The following VAV3 variants were observed in gnomAD, a reference collection of about 807,000 sequenced individuals.
The protein encoded by VAV3 is vav guanine nucleotide exchange factor 3, also known as guanine nucleotide exchange factor VAV3.
Under a neutral mutation model 131.2 loss-of-function variants are expected in VAV3, and 94 were observed. The observed-to-expected ratio is 0.72, with a 90% CI of 0.61 to 0.85. The LOEUF (loss-of-function observed/expected upper bound fraction) is 0.85. Ranked by LOEUF, VAV3 falls within the 40% of genes least tolerant of loss-of-function variation. The probability of loss-of-function intolerance (pLI) is 0.00; values close to 1 mark genes in which losing one functional copy is unlikely to be tolerated. For missense variants in VAV3, 939 were observed against 1,002.7 expected, an observed-to-expected ratio of 0.94 and a Z score of 0.86; for synonymous variants, 349 against 342.0, an observed-to-expected ratio of 1.02 and a Z score of -0.22.
At chr1:107,953,595 A>G (rs1674658532) in intron 1 of VAV3, among the ~76,000 whole-genome samples, 1 of 152,180 alleles carries the variant, frequency 6.6e-6, no homozygotes, top group South Asian at 2.1e-4. Flanking sequence ...TGCTATTGCT[A>G]TAAGTACAGA....
intron 1 of VAV3, among the ~76,000 whole-genome samples, chr1:107,948,563 G>T (rs1461870786): frequency 6.6e-6 from 1 of 152,158 alleles, no homozygotes; most frequent in African/African-American, 2.4e-5. Context: ...AATAAAGCTG[G>T]CCAGGCGCAG....
chr1:107,828,977 T>C (rs565940042), intron 2 of VAV3, among the ~76,000 whole-genome samples: 1 of 152,268 alleles, frequency 6.6e-6, no homozygotes, highest in Non-Finnish European at 1.5e-5. Flanking sequence ...TCAGCCCTAT[T>C]TTATGCAGGT....
At chr1:107,867,549 A>G (rs1311397350) in intron 2 of VAV3, among the ~76,000 whole-genome samples, 1 of 152,164 alleles carries the variant, frequency 6.6e-6, no homozygotes, top group Non-Finnish European at 1.5e-5. Context: ...GAAGGCTAGA[A>G]GCTGTTCCCT....
Position 107,704,658 on chromosome 1 carries a change from G to A in VAV3, c.1605-8C>T. 5 of 1,606,236 alleles carry A rather than the reference G, an allele frequency of 3.1e-6. No homozygotes were observed. Among genetic ancestry groups the A allele is most frequent in the South Asian group, 2.2e-5 (2 of 90,536 alleles). On this transcript the variant is annotated splice_region_variant and splice_polypyrimidine_tract_variant and intron_variant, in intron 16 of 26. Coordinates refer to ENST00000370056, the MANE Select transcript of VAV3 (RefSeq NM_006113.5). ...CCTTGATAAAATGTTCCCCTGAAAGGTGAAATAAGAAAGTGGTATATTAAA... is the reference window on the plus strand; with the variant it reads ...CCTTGATAAAATGTTCCCCTGAAAGATGAAATAAGAAAGTGGTATATTAAA...
chr1:107,850,333 A>G (rs2100951963), intron 2 of VAV3, among the ~76,000 whole-genome samples: 1 of 152,332 alleles, frequency 6.6e-6, no homozygotes, highest in Admixed American at 6.5e-5. Flanking sequence ...AATGCCCATC[A>G]ATGATAGACT....
Position 107,674,832 on chromosome 1 carries a change from T to A in VAV3, c.1777+8656A>T, listed in dbSNP as rs1040587847. 2.0e-5 allele frequency among the ~76,000 whole-genome samples: 3 copies of A among 152,210 alleles called. No individual in the cohort carries two copies. The East Asian group carries it at 5.8e-4, about 29-fold the overall frequency. ...TGTGATTATATTATACATTTTAATGTCCACCTTGCAAGGAAACCCTATCAC... is the reference window on the plus strand; with the variant it reads ...TGTGATTATATTATACATTTTAATGACCACCTTGCAAGGAAACCCTATCAC... On this transcript the variant is annotated intron_variant, in intron 19 of 26. Coordinates refer to ENST00000370056, the MANE Select transcript of VAV3 (RefSeq NM_006113.5).
chr1:107,643,659 G>T (rs1655519469), intron 19 of VAV3, among the ~76,000 whole-genome samples: 1 of 152,094 alleles, frequency 6.6e-6, no homozygotes. Context: ...AGCTGTAACT[G>T]GCTGAAAATG....
intron 15 of VAV3, among the ~76,000 whole-genome samples, chr1:107,739,521 A>C (rs746902071): frequency 8.5e-5 from 13 of 152,210 alleles, no homozygotes; most frequent in Non-Finnish European, 1.9e-4. Context: ...TGAGACTCTC[A>C]GCACAGCCCA....
At chr1:107,795,423 G>T (rs946635187) in intron 2 of VAV3, among the ~76,000 whole-genome samples, 1 of 152,010 alleles carries the variant, frequency 6.6e-6, no homozygotes, top group Admixed American at 6.6e-5. Flanking sequence ...CCTTATATTG[G>T]CTTCTGTGCA....
intron 24 of VAV3, among the ~76,000 whole-genome samples, chr1:107,596,803 T>A (rs1411210973): frequency 1.3e-5 from 2 of 152,224 alleles, no homozygotes; most frequent in African/African-American, 4.8e-5. Flanking sequence ...TTTTTCGTGG[T>A]AAACAAAAGT....
chr1:107,692,501 T>G (rs1659489509), intron 17 of VAV3, among the ~76,000 whole-genome samples: 1 of 152,192 alleles, frequency 6.6e-6, no homozygotes, highest in African/African-American at 2.4e-5. Flanking sequence ...ATGAAATCAA[T>G]GGTCAATCTT....
intron 1 of VAV3, among the ~76,000 whole-genome samples, chr1:107,960,066 G>A (rs2101400176): frequency 6.6e-6 from 1 of 152,268 alleles, no homozygotes; most frequent in South Asian, 2.1e-4. Context: ...CTATTGCTTT[G>A]GTAAAAGCCG....
chr1:107,937,704 A>C (rs1019373797), intron 1 of VAV3, among the ~76,000 whole-genome samples: 1 of 152,224 alleles, frequency 6.6e-6, no homozygotes, highest in African/African-American at 2.4e-5. Context: ...CAAGGTTTCT[A>C]GTGGCACCCT....
chr1:107,769,287 G>A (rs1215773782), intron 6 of VAV3, among the ~76,000 whole-genome samples: 1 of 151,186 alleles, frequency 6.6e-6, no homozygotes, highest in East Asian at 2.0e-4. Flanking sequence ...CCCTGATCAA[G>A]TCTAACTTGC....
chr1:107,820,273 C>T (rs536189139), intron 2 of VAV3, among the ~76,000 whole-genome samples: 38 of 152,062 alleles, frequency 2.5e-4, no homozygotes, highest in Non-Finnish European at 5.3e-4. Flanking sequence ...GAGTACTATT[C>T]GTCCATAAAA....
intron 15 of VAV3, among the ~76,000 whole-genome samples, chr1:107,717,322 G>A (rs1248475492): frequency 6.6e-6 from 1 of 152,158 alleles, no homozygotes; most frequent in Non-Finnish European, 1.5e-5. Context: ...TCTTTTAACT[G>A]TGATGTTAGG....
chr1:107,913,099 C>A (rs1232162942), intron 1 of VAV3, among the ~76,000 whole-genome samples: 1 of 152,142 alleles, frequency 6.6e-6, no homozygotes, highest in Non-Finnish European at 1.5e-5. Context: ...ATCAAGAGCA[C>A]AAATATAAGA....
chr1:107,772,660 A>T, intron 5 of VAV3, 75 bp downstream of exon 5: 1 of 1,269,910 alleles, frequency 7.9e-7, no homozygotes, highest in African/African-American at 1.5e-5. Flanking sequence ...AGCAGATGTT[A>T]CATAAATTAT....
At chr1:107,684,345 A>G (rs1254656342) in intron 18 of VAV3, among the ~76,000 whole-genome samples, 3 of 152,196 alleles carry the variant, frequency 2.0e-5, no homozygotes, top group Non-Finnish European at 4.4e-5. Flanking sequence ...CTATCATACA[A>G]TCTAGATTTT....
Sources: allele counts gnomAD v4.1 joint callset (sites outside exome capture counted in the v4.1 genomes callset), GRCh38; gene constraint gnomAD v4.1.1; transcripts MANE v1.5; gene names NCBI Gene and HGNC (gene_info 2026-07-23, HGNC 2026-07-21).